FBXL20: variants seen among roughly 807,000 people sequenced by gnomAD.
The protein encoded by FBXL20 is F-box and leucine rich repeat protein 20, also known as F-box/LRR-repeat protein 20.
A neutral mutation model predicts 64.0 loss-of-function variants in FBXL20; 11 were observed. The ratio of observed to expected loss-of-function variants is 0.17; its 90% CI spans 0.11 to 0.28. FBXL20 has a LOEUF of 0.28. Ranked by LOEUF, FBXL20 falls within the 10% of genes least tolerant of loss-of-function variation. FBXL20 has a pLI of 1.00. For synonymous variants in FBXL20, 184 were observed against 189.0 expected (o/e 0.97, Z 0.22); for missense variants, 303 against 526.2 (o/e 0.58, Z 4.15).
At chr17:39,291,725 G>A (rs908976179) in intron 6 of FBXL20, among the ~76,000 whole-genome samples, 1 of 152,078 alleles carries the variant, frequency 6.6e-6, no homozygotes, top group African/African-American at 2.4e-5. Flanking sequence ...GTGAGGCACT[G>A]TGCCCGGCCA....
At chr17:39,262,966 C>T (rs990064614) in intron 14 of FBXL20, among the ~76,000 whole-genome samples, 30 of 151,528 alleles carry the variant, frequency 2.0e-4, no homozygotes, top group South Asian at 2.1e-4. Context: ...CATGCCACTG[C>T]GCTCCAGCCT....
chr17:39,327,903 A>C (rs988256382), intron 2 of FBXL20, among the ~76,000 whole-genome samples: 8 of 152,112 alleles, frequency 5.3e-5, no homozygotes, highest in African/African-American at 1.7e-4. Context: ...CTTATGAGAA[A>C]GTCTAGAAGC....
intron 6 of FBXL20, among the ~76,000 whole-genome samples, chr17:39,294,716 G>A (rs1483536389): frequency 6.6e-6 from 1 of 152,044 alleles, no homozygotes; most frequent in African/African-American, 2.4e-5. Flanking sequence ...AGTGATAAAA[G>A]TTAATGCACT....
Position 39,310,764 on chromosome 17 carries a change from TC to T in FBXL20, c.105-7126del, listed in dbSNP as rs528250796. Among the ~76,000 whole-genome samples the T allele has an allele frequency of 9.3e-4, 141 of 152,188 alleles. 3 individuals are homozygous for T. Among genetic ancestry groups the T allele is most frequent in the African/African-American group, 3.3e-3 (139 of 41,512 alleles). ...ACTTTGGGAGGCCAAGGTGGATGGATCACTTGAGGTCAGGAGCTCAAGACCA... is the reference window on the plus strand; with the variant it reads ...ACTTTGGGAGGCCAAGGTGGATGGATACTTGAGGTCAGGAGCTCAAGACCA... On this transcript the variant is annotated intron_variant, in intron 2 of 14. Transcript: ENST00000264658.
intron 1 of FBXL20, among the ~76,000 whole-genome samples, chr17:39,359,933 T>C (rs983103248): frequency 6.6e-6 from 1 of 152,160 alleles, no homozygotes; most frequent in Non-Finnish European, 1.5e-5. Context: ...GAATATTTAG[T>C]ATTAAAAAGC....
intron 1 of FBXL20, among the ~76,000 whole-genome samples, chr17:39,371,287 T>C (rs532678443): frequency 1.8e-4 from 27 of 152,370 alleles, no homozygotes; most frequent in Admixed American, 5.2e-4. Flanking sequence ...AAAATATGCT[T>C]ATATACTTTT....
intron 2 of FBXL20, among the ~76,000 whole-genome samples, chr17:39,304,720 T>C (rs554642047): frequency 1.3e-5 from 2 of 152,252 alleles, no homozygotes; most frequent in East Asian, 3.9e-4. Context: ...GCCTCCCAAA[T>C]AGCTGGGACT....
intron 2 of FBXL20, among the ~76,000 whole-genome samples, chr17:39,314,531 T>C (rs144908560): frequency 5.1e-4 from 78 of 151,906 alleles, no homozygotes; most frequent in African/African-American, 1.8e-3. Context: ...TGTACAAATT[T>C]TGTATATATA....
chr17:39,331,162 G>A (rs905231457), intron 2 of FBXL20, among the ~76,000 whole-genome samples: 1 of 152,188 alleles, frequency 6.6e-6, no homozygotes, highest in Non-Finnish European at 1.5e-5. Context: ...CTAGAGTACA[G>A]TGGCATGATT....
At chr17:39,296,185 C>T (rs2047083487) in intron 6 of FBXL20, among the ~76,000 whole-genome samples, 1 of 152,030 alleles carries the variant, frequency 6.6e-6, no homozygotes, top group Non-Finnish European at 1.5e-5. Flanking sequence ...TGTAGTTCTA[C>T]TGGTATAAAG....
At chr17:39,328,220 G>C (rs753371750) in intron 2 of FBXL20, among the ~76,000 whole-genome samples, 2 of 121,610 alleles carry the variant, frequency 1.6e-5, no homozygotes, top group South Asian at 5.8e-4. Context: ...CTGCACTCCA[G>C]CCTGGGCAAC....
intron 2 of FBXL20, among the ~76,000 whole-genome samples, chr17:39,323,039 G>C (rs1198320047): frequency 6.7e-6 from 1 of 150,314 alleles, no homozygotes. Context: ...GCACAATCTC[G>C]GCTCACTGCA....
chr17:39,274,087 C>G (rs2046870262), intron 10 of FBXL20, among the ~76,000 whole-genome samples: 1 of 151,970 alleles, frequency 6.6e-6, no homozygotes, highest in South Asian at 2.1e-4. Flanking sequence ...GTTGCCCATG[C>G]TGGTCTCAAA....
At chr17:39,307,047 G>C (rs1293605165) in intron 2 of FBXL20, among the ~76,000 whole-genome samples, 1 of 152,164 alleles carries the variant, frequency 6.6e-6, no homozygotes, top group Non-Finnish European at 1.5e-5. Context: ...ATACAAAAGG[G>C]GGAAACATCT....
rs924085376 is a variant in FBXL20, at chr17:39,264,087, T to C, written c.1203+88A>G. 23 of 1,372,328 alleles carry C rather than the reference T, an allele frequency of 1.7e-5. No homozygotes were observed. The East Asian group carries it at 3.0e-4, about 18-fold the overall frequency. The allele number at this position is 1,372,328 out of a possible 1,614,324, so 85.0% of individuals were successfully genotyped here. A position where few individuals can be genotyped will look rare whatever the true frequency, so the allele number is the denominator to read the frequency against. On this transcript the variant is annotated intron_variant, in intron 14 of 14. Transcript: ENST00000264658. ...AATGTTCAAGTAAATATAAAAATCA[T>C]AGGAACCTAAATTTGAAAAAAGGAA...
intron 1 of FBXL20, among the ~76,000 whole-genome samples, chr17:39,362,871 G>T (rs948144923): frequency 6.6e-6 from 1 of 152,102 alleles, no homozygotes; most frequent in African/African-American, 2.4e-5. Flanking sequence ...GCCTGCCTCG[G>T]CCTCCCAAAG....
At chr17:39,333,094 C>A (rs1008986491) in intron 2 of FBXL20, among the ~76,000 whole-genome samples, 7 of 152,074 alleles carry the variant, frequency 4.6e-5, no homozygotes, top group Non-Finnish European at 8.8e-5. Flanking sequence ...TGAGTCACAC[C>A]TGGCTCTCTA....
At chr17:39,362,554 C>T (rs1376844821) in intron 1 of FBXL20, among the ~76,000 whole-genome samples, 1 of 151,666 alleles carries the variant, frequency 6.6e-6, no homozygotes, top group Admixed American at 6.6e-5. Context: ...AACTCCCGAC[C>T]TCAGGTGATC....
intron 12 of FBXL20, among the ~76,000 whole-genome samples, chr17:39,267,778 G>T (rs1326211472): frequency 1.3e-5 from 2 of 152,166 alleles, no homozygotes; most frequent in East Asian, 3.8e-4. Context: ...GAAAGGGGGT[G>T]GGCGAGCAGG....
Sources: gnomAD v4.1 joint callset for allele counts (sites outside exome capture counted in the v4.1 genomes callset) on GRCh38, gnomAD v4.1.1 for gene constraint, MANE v1.5 for transcripts, NCBI Gene and HGNC (gene_info 2026-07-23, HGNC 2026-07-21) for gene names.